Variants in DNAI1 observed in about 807,000 individuals in gnomAD.
DNAI1 encodes dynein axonemal intermediate chain 1, also known as dynein, axonemal, intermediate polypeptide 1.
Under a neutral mutation model 92.0 loss-of-function variants are expected in DNAI1, and 67 were observed. The observed-to-expected ratio is 0.73, with a 90% CI of 0.60 to 0.89. The LOEUF is 0.89. Ranked by LOEUF, DNAI1 falls within the 40% of genes least tolerant of loss-of-function variation. DNAI1 has a pLI of 0.00. For missense variants in DNAI1, 839 were observed against 866.6 expected (o/e 0.97, Z 0.40); for synonymous variants, 323 against 319.6 (o/e 1.01, Z -0.11).
At chr9:34,501,689 A>G (rs904377987) in intron 12 of DNAI1, among the ~76,000 whole-genome samples, 5 of 150,830 alleles carry the variant, frequency 3.3e-5, no homozygotes, top group Non-Finnish European at 7.4e-5. Flanking sequence ...CCAAGGAGAG[A>G]TGGCAGGACC....
intron 1 of DNAI1, among the ~76,000 whole-genome samples, chr9:34,473,800 C>T (rs1284929023): frequency 6.6e-6 from 1 of 152,000 alleles, no homozygotes; most frequent in Non-Finnish European, 1.5e-5. Context: ...TCACAGCTCA[C>T]TGCAGCCTTG....
chr9:34,514,929 C>A (rs1825145682), intron 18 of DNAI1, among the ~76,000 whole-genome samples, 190 bp downstream of exon 18: 1 of 152,224 alleles, frequency 6.6e-6, no homozygotes, highest in Admixed American at 6.5e-5. Context: ...TCCCATGAGG[C>A]TTCAGGGAGG....
rs777050459 is a variant in DNAI1 at position 34,512,193 on chromosome 9, G to A, written c.1396G>A (p.Val466Met). ...SDGRIVSWTL[V>M]KRKLVHIDVI... The stretch of plus-strand genomic sequence containing the variant: ...CGGCAGGATTGTGTCTTGGACTCTC[G>A]TGAAGGTGCCTATTTCCCAGAGAGG... The change falls in exon 14 of 20, where the codon GTG (valine) becomes ATG (methionine). Residue 466 changes from valine (V) to methionine (M), a missense_variant. Physicochemically the swap from Val to Met is conservative, Grantham distance 21. Transcript: ENST00000242317. 10 of 1,614,010 alleles carry A rather than the reference G, an allele frequency of 6.2e-6. No homozygotes were observed. The highest frequency in any genetic ancestry group is 1.7e-5 in the Admixed American group (1 of 59,998).
rs772459151 is a variant in DNAI1 at position 34,514,646 on chromosome 9, G to A, written c.1725G>A (p.Pro575=). Residue 575 remains proline (P), a synonymous_variant, in exon 18 of 20, where the codon CCG becomes CCA. Coordinates refer to ENST00000242317, the MANE Select transcript of DNAI1 (RefSeq NM_012144.4). ...CCACCCTCCACCTCTGCAGGACCCC[G>A]ATGTTCATCTATGACCTGAACTCAG... The part of the protein sequence containing the change: ...VKIWDHTIKT[P]MFIYDLNSAV... The A allele has an allele frequency of 8.1e-6, 13 of 1,614,164 alleles. No homozygotes were observed. The highest frequency in any genetic ancestry group is 1.3e-5 in the African/African-American group (1 of 75,038).
intron 1 of DNAI1, among the ~76,000 whole-genome samples, chr9:34,461,728 G>GGT (rs749786363): frequency 1.3e-5 from 2 of 152,132 alleles, no homozygotes; most frequent in Admixed American, 6.5e-5. Flanking sequence ...TGGCGTGTGG[G>GGT]GTGTGAGAAA....
intron 2 of DNAI1, among the ~76,000 whole-genome samples, chr9:34,484,496 G>GA (rs759858948): frequency 1.3e-5 from 2 of 152,132 alleles, no homozygotes; most frequent in Admixed American, 6.5e-5. Flanking sequence ...ATTTTATAGT[G>GA]AAAAAATGCA....
chr9:34,497,306 G>A, intron 10 of DNAI1, 107 bp downstream of exon 10: 2 of 844,740 alleles, frequency 2.4e-6, no homozygotes, highest in Non-Finnish European at 4.1e-6. Flanking sequence ...GGTGCAAGCG[G>A]AGAAAAAATA....
chr9:34,509,670 G>C (rs1202335042), intron 13 of DNAI1, among the ~76,000 whole-genome samples: 1 of 152,164 alleles, frequency 6.6e-6, no homozygotes, highest in Admixed American at 6.5e-5. Context: ...TGAAGCCTGA[G>C]CTAGGGCAGG....
chr9:34,512,676 C>G (rs900862622), intron 15 of DNAI1, among the ~76,000 whole-genome samples: 2 of 152,164 alleles, frequency 1.3e-5, no homozygotes, highest in Non-Finnish European at 2.9e-5. Context: ...TGCTGTTATG[C>G]AGATCCAGCC....
intron 2 of DNAI1, 153 bp from the exon 3 acceptor site, chr9:34,484,989 G>T: frequency 2.7e-6 from 2 of 747,082 alleles, no homozygotes; most frequent in Non-Finnish European, 4.6e-6. Context: ...CAGTTCTTTT[G>T]GACTCTTTCA....
intron 13 of DNAI1, 84 bp from the exon 14 acceptor site, chr9:34,512,025 G>A (rs1825073809): frequency 7.4e-7 from 1 of 1,347,238 alleles, no homozygotes. Flanking sequence ...CCTCAGATGG[G>A]TGCTTGGGGG....
intron 13 of DNAI1, among the ~76,000 whole-genome samples, chr9:34,511,200 G>C (rs1343674541): frequency 6.6e-6 from 1 of 152,196 alleles, no homozygotes; most frequent in Non-Finnish European, 1.5e-5. Flanking sequence ...CAGCTCTCTG[G>C]GACATGGCTT....
At chr9:34,483,038 G>GGGCT (rs1216573961) in intron 1 of DNAI1, among the ~76,000 whole-genome samples, 1 of 152,226 alleles carries the variant, frequency 6.6e-6, no homozygotes, top group Non-Finnish European at 1.5e-5. Flanking sequence ...GGGGCCAGCA[G>GGGCT]GGCTGGCTGG....
rs1825194669 is a variant in DNAI1, at chr9:34,517,590, G to A, written c.2001+123G>A. Reference sequence around the variant, plus strand: ...ATGTGGGAGACCCAGGGTAAGGATGGTGTCATTGCCTGAATGAGGCTCACA... The same window carrying A: ...ATGTGGGAGACCCAGGGTAAGGATGATGTCATTGCCTGAATGAGGCTCACA... On this transcript the variant is annotated intron_variant, in intron 19 of 19. Coordinates refer to ENST00000242317, the MANE Select transcript of DNAI1 (RefSeq NM_012144.4). 5 of 1,142,522 alleles carry A rather than the reference G, an allele frequency of 4.4e-6. No individual in the cohort carries two copies. In the East Asian group the frequency reaches 1.2e-4, roughly 28 times the overall value. 70.8% of individuals were successfully genotyped at this position (1,142,522 alleles called of 1,614,324 possible).
At chr9:34,489,963 T>A in intron 5 of DNAI1, 49 bp from the exon 6 acceptor site, 1 of 1,605,144 alleles carries the variant, frequency 6.2e-7, no homozygotes, top group Non-Finnish European at 8.5e-7. Context: ...CTGCCACAGA[T>A]TGGGAGAGCA....
chr9:34,492,493 GAT>G (rs752863173), intron 8 of DNAI1, among the ~76,000 whole-genome samples: 6,536 of 68,112 alleles, frequency 0.096, 503 homozygotes, highest in Non-Finnish European at 0.14. Context: ...GGGATATGAA[GAT>G]ATATATATAT....
intron 1 of DNAI1, among the ~76,000 whole-genome samples, chr9:34,469,331 T>C (rs956241673): frequency 4.9e-5 from 7 of 142,142 alleles, no homozygotes; most frequent in Non-Finnish European, 7.6e-5. Context: ...AATGGCATGC[T>C]CACAGCTCAC....
At chr9:34,464,774 A>C (rs1410250305) in intron 1 of DNAI1, among the ~76,000 whole-genome samples, 1 of 152,142 alleles carries the variant, frequency 6.6e-6, no homozygotes, top group African/African-American at 2.4e-5. Context: ...GCTCTTGATG[A>C]ATGTTGAATG....
chr9:34,464,358 T>A (rs1051253406), intron 1 of DNAI1, among the ~76,000 whole-genome samples: 5 of 152,210 alleles, frequency 3.3e-5, no homozygotes, highest in African/African-American at 1.2e-4. Flanking sequence ...GCCTGAGACC[T>A]ACCTGGGTCT....
Sources: allele counts gnomAD v4.1 joint callset (sites outside exome capture counted in the v4.1 genomes callset), GRCh38; gene constraint gnomAD v4.1.1; transcripts MANE v1.5; gene names NCBI Gene and HGNC (gene_info 2026-07-23, HGNC 2026-07-21).